The following NR6A1 variants were observed in gnomAD, a reference collection of about 807,000 sequenced individuals.
The protein encoded by NR6A1 is nuclear receptor subfamily 6 group A member 1.
A neutral mutation model predicts 59.1 loss-of-function variants in NR6A1; 7 were observed. The observed-to-expected ratio is 0.12, with a 90% CI of 0.07 to 0.22. NR6A1 has a LOEUF of 0.22. Among genes scored for constraint, NR6A1 ranks in the 10% least tolerant of loss-of-function variants. NR6A1 has a pLI of 1.00. For missense variants in NR6A1, 468 were observed against 611.6 expected (o/e 0.77, Z 2.48); for synonymous variants, 243 against 236.1 (o/e 1.03, Z -0.27).
chr9:124,745,409 C>T (rs541737235), intron 1 of NR6A1, among the ~76,000 whole-genome samples: 31 of 152,322 alleles, frequency 2.0e-4, no homozygotes, highest in African/African-American at 7.0e-4. Flanking sequence ...CAGCGGCTCA[C>T]GCCTGTAATC....
intron 2 of NR6A1, among the ~76,000 whole-genome samples, chr9:124,653,924 T>C (rs1030163134): frequency 1.3e-5 from 2 of 152,200 alleles, no homozygotes; most frequent in Non-Finnish European, 2.9e-5. Flanking sequence ...CGAGGACATA[T>C]GCTTCTAAAT....
At chr9:124,664,305 G>A (rs1035170780) in intron 2 of NR6A1, among the ~76,000 whole-genome samples, 4 of 152,162 alleles carry the variant, frequency 2.6e-5, no homozygotes, top group Admixed American at 6.5e-5. Context: ...GAGATTGTGC[G>A]ATGTAGTTTA....
intron 1 of NR6A1, among the ~76,000 whole-genome samples, chr9:124,766,307 G>A (rs1840931482): frequency 6.6e-6 from 1 of 152,176 alleles, no homozygotes; most frequent in Non-Finnish European, 1.5e-5. Flanking sequence ...GCAGAAGTGT[G>A]AAAAACATTT....
Position 124,619,399 on chromosome 9 carries a change from G to A in NR6A1, c.143-64829C>T, listed in dbSNP as rs145696442. ...CTGCCTTGGCCTACCAAGTAGTTGG[G>A]ACTACAAGCGCCTGCCACCACACCT... is the stretch of plus-strand genomic sequence containing the variant. On this transcript the variant is annotated intron_variant, in intron 2 of 9. Transcript: ENST00000487099. Among the ~76,000 whole-genome samples the A allele has an allele frequency of 3.0e-3, 464 of 152,160 alleles. 3 individuals are homozygous for A. Among genetic ancestry groups the A allele is most frequent in the Non-Finnish European group, 4.9e-3 (332 of 67,998 alleles).
intron 1 of NR6A1, among the ~76,000 whole-genome samples, chr9:124,738,549 A>G (rs185533007): frequency 5.3e-5 from 8 of 152,318 alleles, no homozygotes; most frequent in Non-Finnish European, 1.0e-4. Flanking sequence ...CCTCAGTTTA[A>G]CTAGGAAGAT....
chr9:124,518,937 TGA>T lies in NR6A1; in HGVS notation c.*3766_*3767del, dbSNP rs1169708100. ...ACCACAGCTCAGCTTTCTGTCCTGC[TGA>T]GAGGCCAGGGTTCCCTTAATTCGAC... is the stretch of plus-strand genomic sequence containing the variant. On this transcript the variant is annotated 3_prime_UTR_variant, in exon 10 of 10. Transcript: ENST00000487099. 1 of 152,210 alleles carries T rather than the reference TGA, an allele frequency of 6.6e-6. No individual in the cohort carries two copies. The highest frequency in any genetic ancestry group is 6.5e-5 in the Admixed American group (1 of 15,280). 9.4% of individuals were successfully genotyped at this position (152,210 alleles called of 1,614,324 possible).
chr9:124,644,400 C>A (rs576341989), intron 2 of NR6A1, among the ~76,000 whole-genome samples: 2 of 150,722 alleles, frequency 1.3e-5, no homozygotes. Flanking sequence ...TACAGGCATG[C>A]GCCACTACCC....
chr9:124,577,851 C>A (rs1191616177), intron 2 of NR6A1, among the ~76,000 whole-genome samples: 2 of 152,196 alleles, frequency 1.3e-5, no homozygotes, highest in African/African-American at 4.8e-5. Context: ...GATAGATGGG[C>A]TCTCAGAATT....
At chr9:124,602,800 G>A (rs1835482049) in intron 2 of NR6A1, among the ~76,000 whole-genome samples, 1 of 152,142 alleles carries the variant, frequency 6.6e-6, no homozygotes, top group South Asian at 2.1e-4. Flanking sequence ...AGGAACCTAT[G>A]GTATAAAGGC....
chr9:124,720,300 C>T (rs1839528994), intron 2 of NR6A1, among the ~76,000 whole-genome samples: 2 of 152,148 alleles, frequency 1.3e-5, no homozygotes, highest in Admixed American at 6.5e-5. Context: ...ATCCACCCAC[C>T]TCAGCCTCCC....
At chr9:124,543,008 A>ACAAAGACTTTTCCTAAGGAGCTGTAGT (rs1833495697) in intron 4 of NR6A1, among the ~76,000 whole-genome samples, 1 of 152,218 alleles carries the variant, frequency 6.6e-6, no homozygotes, top group African/African-American at 2.4e-5. Flanking sequence ...GGCTGGCCCA[A>ACAAAGACTTTTCCTAAGGAGCTGTAGT]CAAAGACTTT....
intron 2 of NR6A1, among the ~76,000 whole-genome samples, chr9:124,630,438 T>TG (rs1272175011): frequency 6.6e-6 from 1 of 151,172 alleles, no homozygotes; most frequent in Non-Finnish European, 1.5e-5. Context: ...GGTTTCATTA[T>TG]ATTGGTCAGG....
chr9:124,742,601 G>A (rs557532355), intron 1 of NR6A1, among the ~76,000 whole-genome samples: 33 of 152,140 alleles, frequency 2.2e-4, no homozygotes, highest in Non-Finnish European at 3.5e-4. Flanking sequence ...GAGCAGCTGG[G>A]CACTGTGGCT....
At chr9:124,651,302 G>A (rs1329743952) in intron 2 of NR6A1, among the ~76,000 whole-genome samples, 3 of 152,074 alleles carry the variant, frequency 2.0e-5, no homozygotes, top group African/African-American at 7.2e-5. Flanking sequence ...CAAGTGATCC[G>A]TCCACCTCGG....
At position 124,733,447 on chromosome 9, in the gene NR6A1, T is replaced by C. The variant is rs1435991855; in HGVS notation, c.101-98A>G. On this transcript the variant is annotated intron_variant, in intron 1 of 9. Transcript: ENST00000487099. ...CATACAGTTGGGGGGAAATCTATAC[T>C]CAGAAGTCAATTTGGGTTTCAATCC... 4 of 920,502 alleles carry C rather than the reference T, an allele frequency of 4.3e-6. No homozygotes were observed. In the Admixed American group the frequency reaches 7.2e-5, roughly 17 times the overall value. 57.0% of individuals were successfully genotyped at this position (920,502 alleles called of 1,614,324 possible).
rs888592494 is a variant in NR6A1, at chr9:124,522,576, T to C, written c.*129A>G. 3 of 584,454 alleles carry C rather than the reference T, an allele frequency of 5.1e-6. No individual in the cohort carries two copies. The highest frequency in any genetic ancestry group is 8.9e-6 in the Non-Finnish European group (3 of 336,590). The allele number at this position is 584,454 out of a possible 1,614,324, so 36.2% of individuals were successfully genotyped here. ...AAACAGACAAACAAACAAAAACTCT[T>C]CTTGCTATGGAGGCAACGGGAAATG... On this transcript the variant is annotated 3_prime_UTR_variant, in exon 10 of 10. Coordinates refer to ENST00000487099, the MANE Select transcript of NR6A1 (RefSeq NM_033334.4).
chr9:124,552,880 A>G (rs184928993), intron 3 of NR6A1, among the ~76,000 whole-genome samples: 16 of 152,272 alleles, frequency 1.1e-4, no homozygotes, highest in African/African-American at 3.9e-4. Flanking sequence ...GCAAGTTTTT[A>G]AAAGGTCCTT....
intron 1 of NR6A1, among the ~76,000 whole-genome samples, chr9:124,764,848 A>G (rs1840886933): frequency 6.6e-6 from 1 of 152,164 alleles, no homozygotes; most frequent in Non-Finnish European, 1.5e-5. Context: ...AAATGCCTGG[A>G]TTTGTTTCCC....
chr9:124,575,453 A>G (rs375288582), intron 2 of NR6A1, among the ~76,000 whole-genome samples: 8 of 152,268 alleles, frequency 5.3e-5, no homozygotes, highest in African/African-American at 1.9e-4. Context: ...ACGCGCCTGT[A>G]GTCCCAGCTA....
Sources: gnomAD v4.1 joint callset for allele counts (sites outside exome capture counted in the v4.1 genomes callset) on GRCh38, gnomAD v4.1.1 for gene constraint, MANE v1.5 for transcripts, NCBI Gene and HGNC (gene_info 2026-07-23, HGNC 2026-07-21) for gene names.